AK4: variants seen among roughly 807,000 people sequenced by gnomAD.
AK4 encodes the protein adenylate kinase 4, mitochondrial.
Under a neutral mutation model 24.6 loss-of-function variants are expected in AK4, and 13 were observed. The observed-to-expected ratio is 0.53, with a 90% CI of 0.34 to 0.84. The LOEUF is 0.84. Ranked by LOEUF, AK4 falls within the 40% of genes least tolerant of loss-of-function variation. AK4 has a pLI of 0.01. For synonymous variants in AK4, 88 were observed against 107.0 expected (o/e 0.82, Z 1.10); for missense variants, 192 against 288.2 (o/e 0.67, Z 2.42).
intron 1 of AK4, chr1:65,154,786 C>T (rs182342719): frequency 9.9e-5 from 19 of 192,274 alleles, no homozygotes; most frequent in African/African-American, 4.0e-4. Context: ...GACAGATATA[C>T]TTTCTCTGGG....
rs183989159 is a variant in AK4 at position 65,226,336 on chromosome 1, C to T, written c.*159C>T. On this transcript the variant is annotated 3_prime_UTR_variant, in exon 5 of 5. Transcript: ENST00000327299. ...GGAAAACAAATGAGTAGAAAGAGTT[C>T]ATGAAGAGGCCCTCCTCTGCCTTTC... 65 of 857,766 alleles carry T rather than the reference C, an allele frequency of 7.6e-5. No individual in the cohort carries two copies. In the East Asian group the frequency reaches 1.7e-3, roughly 23 times the overall value. The allele number at this position is 857,766 out of a possible 1,614,324, so 53.1% of individuals were successfully genotyped here. A position where few individuals can be genotyped will look rare whatever the true frequency, so the allele number is the denominator to read the frequency against.
Position 65,192,269 on chromosome 1 carries a change from G to A in AK4, c.265+1440G>A, listed in dbSNP as rs11803130. ...TTGCTGCATCATCCCATGGCAGAAGGCATCAAATGGGGAAGAAGTGCATGC... is the reference window on the plus strand; with the variant it reads ...TTGCTGCATCATCCCATGGCAGAAGACATCAAATGGGGAAGAAGTGCATGC... On this transcript the variant is annotated intron_variant, in intron 2 of 4. Coordinates refer to ENST00000327299, the MANE Select transcript of AK4 (RefSeq NM_013410.4). 3.7e-3 allele frequency among the ~76,000 whole-genome samples: 560 copies of A among 152,330 alleles called. 6 individuals are homozygous for A. Among genetic ancestry groups the A allele is most frequent in the African/African-American group, 0.013 (539 of 41,570 alleles).
chr1:65,187,276 A>G (rs996200982), intron 1 of AK4, among the ~76,000 whole-genome samples: 1 of 145,252 alleles, frequency 6.9e-6, no homozygotes, highest in African/African-American at 2.6e-5. Flanking sequence ...TGAACCCAGG[A>G]GGCAGAGCTT....
intron 1 of AK4, among the ~76,000 whole-genome samples, chr1:65,186,411 G>A (rs926929168): frequency 5.3e-5 from 8 of 152,138 alleles, no homozygotes; most frequent in African/African-American, 1.7e-4. Flanking sequence ...TTACAGGCAC[G>A]AACCATCAGC....
chr1:65,155,800 G>C (rs1185422237), intron 1 of AK4, among the ~76,000 whole-genome samples: 3 of 152,062 alleles, frequency 2.0e-5, no homozygotes, highest in Admixed American at 2.0e-4. Flanking sequence ...CTCCCAAGTA[G>C]CTGGGATTAT....
Position 65,226,436 on chromosome 1 carries a change from G to A in AK4, c.*259G>A, listed in dbSNP as rs1307229310. 2.8e-6 allele frequency: 1 copy of A among 355,522 alleles called. No homozygotes were observed. The highest frequency in any genetic ancestry group is 4.4e-5 in the Admixed American group (1 of 22,734). The allele number at this position is 355,522 out of a possible 1,614,324, so 22.0% of individuals were successfully genotyped here. Reference sequence around the variant, plus strand: ...AGCCCATCACAAGAAAGCAAGTACAGTGTGGATTTCAAATGGTGTGTAACT... The same window carrying A: ...AGCCCATCACAAGAAAGCAAGTACAATGTGGATTTCAAATGGTGTGTAACT... On this transcript the variant is annotated 3_prime_UTR_variant, in exon 5 of 5. Transcript: ENST00000327299.
intron 1 of AK4, among the ~76,000 whole-genome samples, chr1:65,170,394 A>T (rs549972397): frequency 2.6e-5 from 4 of 152,066 alleles, no homozygotes; most frequent in Non-Finnish European, 4.4e-5. Context: ...ACACAAAAAA[A>T]ATCAGTTTTA....
At chr1:65,159,869 G>C (rs1006717598) in intron 1 of AK4, among the ~76,000 whole-genome samples, 1 of 151,152 alleles carries the variant, frequency 6.6e-6, no homozygotes, top group African/African-American at 2.4e-5. Flanking sequence ...TCGAGAGGCT[G>C]AGGTACAAGA....
intron 1 of AK4, among the ~76,000 whole-genome samples, chr1:65,172,062 A>AATATATATATATAT (rs1406842262): frequency 3.3e-5 from 1 of 29,928 alleles, no homozygotes; most frequent in Non-Finnish European, 9.3e-5. Flanking sequence ...CTCCATCTCA[A>AATATATATATATAT]GTATATATAT....
intron 1 of AK4, among the ~76,000 whole-genome samples, chr1:65,181,146 TG>T (rs2101025765): frequency 6.9e-6 from 1 of 144,264 alleles, no homozygotes; most frequent in East Asian, 2.0e-4. Context: ...AGGATACAGA[TG>T]TGTGGGTGTG....
chr1:65,199,155 TC>T (rs34582668), intron 2 of AK4, among the ~76,000 whole-genome samples: 3 of 152,002 alleles, frequency 2.0e-5, no homozygotes, highest in Non-Finnish European at 4.4e-5. Flanking sequence ...GTTGGCATTT[TC>T]CCCCCTGGAC....
At chr1:65,199,240 T>A (rs760205782) in intron 2 of AK4, among the ~76,000 whole-genome samples, 2 of 152,042 alleles carry the variant, frequency 1.3e-5, no homozygotes, top group Non-Finnish European at 2.9e-5. Context: ...ATTTGTTGAG[T>A]TTGGTTTGCA....
intron 2 of AK4, among the ~76,000 whole-genome samples, chr1:65,210,399 G>A (rs544543205): frequency 3.3e-5 from 5 of 152,062 alleles, no homozygotes; most frequent in South Asian, 2.1e-4. Flanking sequence ...TATCCGCTTC[G>A]GTTTCTTTAT....
At chr1:65,148,104 A>T, upstream of AK4, 2 of 392,318 alleles carry the variant, frequency 5.1e-6, no homozygotes, top group East Asian at 5.5e-5. Context: ...CCGAGTCGGC[A>T]GGGCGGGGCA....
At chr1:65,154,617 C>T (rs1036154757) in intron 1 of AK4, 25 of 499,206 alleles carry the variant, frequency 5.0e-5, no homozygotes, top group Non-Finnish European at 9.7e-5. Flanking sequence ...TCCGTCAGTA[C>T]GCGAACGATA....
At chr1:65,164,038 T>G (rs376603965) in intron 1 of AK4, among the ~76,000 whole-genome samples, 1 of 152,066 alleles carries the variant, frequency 6.6e-6, no homozygotes, top group Non-Finnish European at 1.5e-5. Context: ...CAGGAGCAAT[T>G]TGGGGAGGTT....
intron 1 of AK4, among the ~76,000 whole-genome samples, chr1:65,185,875 A>C (rs1651081753): frequency 6.6e-6 from 1 of 152,032 alleles, no homozygotes; most frequent in East Asian, 1.9e-4. Flanking sequence ...TTGGCCTCCC[A>C]AAGTGCTGGG....
intron 3 of AK4, among the ~76,000 whole-genome samples, chr1:65,220,366 C>T (rs188668329): frequency 5.3e-5 from 8 of 152,326 alleles, no homozygotes; most frequent in Non-Finnish European, 4.4e-5. Flanking sequence ...GTTTCTATTT[C>T]TCCATATCAT....
intron 1 of AK4, among the ~76,000 whole-genome samples, chr1:65,162,374 A>G (rs1650195813): frequency 6.6e-6 from 1 of 152,190 alleles, no homozygotes; most frequent in African/African-American, 2.4e-5. Context: ...AGGAGATGGT[A>G]GAAGCGGAGG....
Sources: allele counts gnomAD v4.1 joint callset (sites outside exome capture counted in the v4.1 genomes callset), GRCh38; gene constraint gnomAD v4.1.1; transcripts MANE v1.5; gene names NCBI Gene and HGNC (gene_info 2026-07-23, HGNC 2026-07-21).